The following TOP6BL variants were observed in gnomAD, a reference collection of about 807,000 sequenced individuals.
TOP6BL encodes type 2 DNA topoisomerase 6 subunit B-like.
At chr11:66,797,361 T>C in the TOP6BL span, among the ~76,000 whole-genome samples, 1 of 152,072 alleles carries the variant, frequency 6.6e-6, no homozygotes, top group Admixed American at 6.6e-5. Context: ...GAGAGCTTTG[T>C]TTTGGGTTAT....
the TOP6BL span, chr11:66,842,921 G>A: frequency 1.9e-6 from 3 of 1,562,802 alleles, no homozygotes; most frequent in South Asian, 1.2e-5. Context: ...CGAGCTCTGC[G>A]CTCTGCCAGG....
At chr11:66,751,764 C>A in the TOP6BL span, among the ~76,000 whole-genome samples, 1 of 152,030 alleles carries the variant, frequency 6.6e-6, no homozygotes, top group Non-Finnish European at 1.5e-5. Flanking sequence ...TATAATTTTC[C>A]AACCACGTAG....
chr11:66,762,240 G>A, the TOP6BL span: 8 of 572,094 alleles, frequency 1.4e-5, no homozygotes, highest in East Asian at 9.4e-5. Flanking sequence ...CAGGGGGCCC[G>A]GCCGCAGAAC....
chr11:66,775,519 A>G, the TOP6BL span, among the ~76,000 whole-genome samples: 4 of 152,190 alleles, frequency 2.6e-5, no homozygotes, highest in African/African-American at 4.8e-5. Context: ...TGGAAGTGAC[A>G]TGTGTCGCCT....
At chr11:66,815,441 G>A in the TOP6BL span, among the ~76,000 whole-genome samples, 1 of 152,140 alleles carries the variant, frequency 6.6e-6, no homozygotes, top group African/African-American at 2.4e-5. Flanking sequence ...GTGACCACTG[G>A]GCAATGGATT....
At chr11:66,771,836 A>G in the TOP6BL span, among the ~76,000 whole-genome samples, 2 of 152,312 alleles carry the variant, frequency 1.3e-5, no homozygotes, top group African/African-American at 2.4e-5. Flanking sequence ...TCCAAATACT[A>G]TTGAAGCAAG....
the TOP6BL span, among the ~76,000 whole-genome samples, chr11:66,750,918 T>C: frequency 6.6e-6 from 1 of 151,758 alleles, no homozygotes; most frequent in Non-Finnish European, 1.5e-5. Context: ...TTGCCCAGGC[T>C]GGTCTGAAAC....
the TOP6BL span, among the ~76,000 whole-genome samples, chr11:66,801,561 C>T: frequency 1.3e-5 from 2 of 152,158 alleles, no homozygotes; most frequent in Non-Finnish European, 2.9e-5. Context: ...TCTGGCCAGG[C>T]GCAGTGGCTC....
the TOP6BL span, among the ~76,000 whole-genome samples, chr11:66,829,604 G>A: frequency 2.0e-5 from 3 of 151,066 alleles, no homozygotes; most frequent in Non-Finnish European, 3.0e-5. Flanking sequence ...ATGATACAGA[G>A]GGGCTGGGAA....
the TOP6BL span, among the ~76,000 whole-genome samples, chr11:66,827,067 T>C: frequency 5.6e-5 from 8 of 142,336 alleles, no homozygotes; most frequent in Middle Eastern, 3.8e-3. Context: ...CCACAACCTC[T>C]GCCTCCCAGG....
At chr11:66,798,313 G>A in the TOP6BL span, among the ~76,000 whole-genome samples, 1 of 152,006 alleles carries the variant, frequency 6.6e-6, no homozygotes, top group African/African-American at 2.4e-5. Context: ...AAAAGGAGGT[G>A]AAGGGGCTGG....
At chr11:66,795,318 T>C in the TOP6BL span, among the ~76,000 whole-genome samples, 6 of 150,478 alleles carry the variant, frequency 4.0e-5, no homozygotes, top group Non-Finnish European at 8.9e-5. Context: ...TTTTTTTTTT[T>C]CGAGACAGAG....
the TOP6BL span, among the ~76,000 whole-genome samples, chr11:66,780,808 C>G: frequency 3.3e-5 from 5 of 152,190 alleles, no homozygotes; most frequent in East Asian, 9.7e-4. Flanking sequence ...TCATGAACTC[C>G]TGGCCTCAAG....
At chr11:66,745,817 TG>T in the TOP6BL span, among the ~76,000 whole-genome samples, 1 of 151,866 alleles carries the variant, frequency 6.6e-6, no homozygotes, top group Non-Finnish European at 1.5e-5. Flanking sequence ...TTTGTTTGTT[TG>T]TTTGTTTTTT....
At chr11:66,788,221 C>T in the TOP6BL span, 1 of 1,613,790 alleles carries the variant, frequency 6.2e-7, no homozygotes, top group Non-Finnish European at 8.5e-7. Flanking sequence ...AGGAAGGCAG[C>T]TATTCTCAGG....
chr11:66,757,542 CAT>C, the TOP6BL span, among the ~76,000 whole-genome samples: 76 of 152,248 alleles, frequency 5.0e-4, no homozygotes, highest in Non-Finnish European at 7.6e-4. Flanking sequence ...TCATTCGCCA[CAT>C]GTGACTATGG....
chr11:66,756,396 A>AT, the TOP6BL span: 1 of 1,145,962 alleles, frequency 8.7e-7, no homozygotes, highest in Non-Finnish European at 1.1e-6. Context: ...GCAGTGGCGC[A>AT]GTCTCGGCTC....
chr11:66,747,471 A>G, the TOP6BL span, among the ~76,000 whole-genome samples: 1 of 151,550 alleles, frequency 6.6e-6, no homozygotes, highest in Non-Finnish European at 1.5e-5. Flanking sequence ...TTGGCCTCCC[A>G]AAGTGCTGGG....
the TOP6BL span, chr11:66,744,834 C>T: frequency 1.5e-6 from 2 of 1,326,698 alleles, no homozygotes; most frequent in Non-Finnish European, 1.9e-6. Flanking sequence ...GCGGCGGCGG[C>T]GGCGGCGGCG....
Sources: gnomAD v4.1 joint callset for allele counts (sites outside exome capture counted in the v4.1 genomes callset) on GRCh38, gnomAD v4.1.1 for gene constraint, MANE v1.5 for transcripts, NCBI Gene and HGNC (gene_info 2026-07-23, HGNC 2026-07-21) for gene names.